Variants in FOCAD observed in about 807,000 individuals in gnomAD.
FOCAD encodes focadhesin, also known as KIAA1797.
In FOCAD, 198 loss-of-function variants were observed where a neutral mutation model predicts 225.6. That is an observed-to-expected ratio of 0.88 (90% confidence interval 0.78 to 0.99). The LOEUF (loss-of-function observed/expected upper bound fraction) is 0.99. Ranked by LOEUF, FOCAD falls within the 50% of genes least tolerant of loss-of-function variation. The pLI is 0.00. For synonymous variants in FOCAD, 897 were observed against 755.0 expected, an observed-to-expected ratio of 1.19 and a Z score of -3.08; for missense variants, 2,713 against 2,123.6, an observed-to-expected ratio of 1.28 and a Z score of -5.46.
At chr9:20,871,666 C>A (rs575614391) in intron 18 of FOCAD, among the ~76,000 whole-genome samples, 1,858 of 143,682 alleles carry the variant, frequency 0.013, 45 homozygotes, top group African/African-American at 0.045. Context: ...AAAAAAAAAA[C>A]CAAACACCGC....
intron 7 of FOCAD, among the ~76,000 whole-genome samples, chr9:20,769,433 C>T (rs1041483073): frequency 2.0e-5 from 3 of 152,198 alleles, no homozygotes; most frequent in Non-Finnish European, 4.4e-5. Flanking sequence ...TTGATCAGAA[C>T]AGCTGGGTTT....
At chr9:20,849,776 T>G (rs1216748211) in intron 15 of FOCAD, among the ~76,000 whole-genome samples, 1 of 151,974 alleles carries the variant, frequency 6.6e-6, no homozygotes, top group Admixed American at 6.6e-5. Flanking sequence ...GACATTTATC[T>G]GCCTTAGATT....
intron 2 of FOCAD, among the ~76,000 whole-genome samples, chr9:20,671,377 A>T (rs1421012046): frequency 6.6e-6 from 1 of 152,188 alleles, no homozygotes; most frequent in Non-Finnish European, 1.5e-5. Flanking sequence ...TGTGTGGACA[A>T]TCCTGTTATC....
In FOCAD at chr9:20,907,203, G is replaced by A. The variant is rs752777221; in HGVS notation, c.2679G>A (p.Trp893Ter). 1.2e-6 allele frequency: 2 copies of A among 1,613,144 alleles called. No homozygotes were observed. The highest frequency in any genetic ancestry group is 2.2e-5 in the South Asian group (2 of 91,036). ...WHRAIFLPQA[W>*]LAYMNRAYHA... ...GTGCAATTTTTCTTCCACAGGCCTG[G>A]CTTGCATACATGAATCGAGCTTATC... Residue 893 changes from tryptophan (W) to a stop codon, truncating the protein, a stop_gained, in exon 22 of 44, where the codon TGG becomes TGA. Transcript: ENST00000338382. LOFTEE classifies it high-confidence loss of function.
At chr9:20,685,107 G>T (rs1822582455) in intron 1 of FOCAD, among the ~76,000 whole-genome samples, 1 of 151,936 alleles carries the variant, frequency 6.6e-6, no homozygotes, top group Non-Finnish European at 1.5e-5. Context: ...TGCCTTAATG[G>T]TCAGCCTCAT....
At chr9:20,820,015 C>T in intron 12 of FOCAD, 115 bp downstream of exon 12, 3 of 585,926 alleles carry the variant, frequency 5.1e-6, no homozygotes, top group South Asian at 4.9e-5. Context: ...CACTACTTCT[C>T]TTGTTGAGCT....
In FOCAD at chr9:20,918,863, A is replaced by C. The variant is rs184371320; in HGVS notation, c.2852+1926A>C. ...AGAGATTGGTGATAGAGCAGGGGAA[A>C]AAATCATTCTGTCACCCTCTCTGCT... On this transcript the variant is annotated intron_variant, in intron 24 of 43. Transcript: ENST00000338382. Among the ~76,000 whole-genome samples the C allele has an allele frequency of 3.9e-3, 593 of 152,312 alleles. 4 individuals are homozygous for C. Among genetic ancestry groups the C allele is most frequent in the Non-Finnish European group, 6.8e-3 (460 of 68,032 alleles).
upstream of FOCAD, chr9:20,683,252 T>C (rs969733310): frequency 2.0e-5 from 3 of 152,196 alleles, no homozygotes; most frequent in African/African-American, 7.2e-5. Flanking sequence ...AATATCAATG[T>C]CAAGATCTGG....
At position 20,781,750 on chromosome 9, in the gene FOCAD, G is replaced by C. The variant is rs138987581; in HGVS notation, c.1018G>C (p.Glu340Gln). Residue 340 changes from glutamate to glutamine, a missense_variant, in exon 10 of 44, where the codon GAG becomes CAG. Physicochemically the swap from Glu to Gln is conservative, Grantham distance 29 (BLOSUM62 2). Coordinates refer to ENST00000338382, the MANE Select transcript of FOCAD (RefSeq NM_001375567.1). The part of the protein sequence containing the change: ...NLALKLLSVT[E>Q]DQKIPKSSLL... Reference sequence around the variant, plus strand: ...AGCTTTGAAGCTCCTCTCTGTTACTGAGGATCAGAAAATCCCAAAGTCCTC... The same window carrying C: ...AGCTTTGAAGCTCCTCTCTGTTACTCAGGATCAGAAAATCCCAAAGTCCTC... 4.0e-5 allele frequency: 65 copies of C among 1,613,684 alleles called. No homozygotes were observed. The highest frequency in any genetic ancestry group is 5.3e-5 in the Non-Finnish European group (62 of 1,179,968).
At chr9:20,738,567 T>C (rs1161311796) in intron 4 of FOCAD, among the ~76,000 whole-genome samples, 1 of 152,190 alleles carries the variant, frequency 6.6e-6, no homozygotes, top group East Asian at 1.9e-4. Context: ...ATGTGACATA[T>C]GTCATGAAAG....
chr9:20,961,277 AT>A (rs1838703405), intron 35 of FOCAD, among the ~76,000 whole-genome samples: 1 of 151,424 alleles, frequency 6.6e-6, no homozygotes, highest in African/African-American at 2.4e-5. Flanking sequence ...GTTATCTATT[AT>A]TTTGATCTTT....
chr9:20,781,930 G>A lies in FOCAD; in HGVS notation c.1197+1G>A. The A allele has an allele frequency of 1.2e-6, 2 of 1,613,042 alleles. No individual in the cohort carries two copies. The highest frequency in any genetic ancestry group is 1.7e-6 in the Non-Finnish European group (2 of 1,179,180). On this transcript the variant is annotated splice_donor_variant, in intron 10 of 43. Transcript: ENST00000338382. LOFTEE classifies it high-confidence loss of function. ...ATGTTACAGAGATGACCACCAAAAG[G>A]TAATGAATCTATCCTTGTTTCTCTT... is the stretch of plus-strand genomic sequence containing the variant.
chr9:20,799,793 CTT>C (rs1226568024), intron 11 of FOCAD, among the ~76,000 whole-genome samples: 3 of 152,110 alleles, frequency 2.0e-5, no homozygotes, highest in South Asian at 4.1e-4. Context: ...GTTCTTGACT[CTT>C]TATCCAATTT....
intron 19 of FOCAD, among the ~76,000 whole-genome samples, chr9:20,880,068 G>A (rs1830542556): frequency 6.6e-6 from 1 of 152,154 alleles, no homozygotes; most frequent in South Asian, 2.1e-4. Context: ...GTATGTGTAT[G>A]CAGAAATTGG....
At chr9:20,664,722 T>A (rs1821845039) in intron 2 of FOCAD, among the ~76,000 whole-genome samples, 1 of 150,592 alleles carries the variant, frequency 6.6e-6, no homozygotes, top group South Asian at 2.1e-4. Flanking sequence ...CAAGCAATCC[T>A]CCTGACTTAG....
At chr9:20,815,427 G>A (rs12002339) in intron 11 of FOCAD, among the ~76,000 whole-genome samples, 45,140 of 151,002 alleles carry the variant, frequency 0.3, 7,081 homozygotes, top group African/African-American at 0.38. Context: ...TTACAGGCAC[G>A]AGCCACTGCA....
intron 9 of FOCAD, among the ~76,000 whole-genome samples, chr9:20,780,909 C>T (rs1819295367): frequency 6.6e-6 from 1 of 152,142 alleles, no homozygotes; most frequent in Non-Finnish European, 1.5e-5. Flanking sequence ...GGTTTGACCT[C>T]CAGATGATGT....
rs576362084 is a variant in FOCAD at position 20,711,848 on chromosome 9, AG to A, written c.-32-3472del. ...GTTTGTATGGAGGGACAACAGCACA[AG>A]GCAGAGTGGCTGGGGAGTGCCTCCA... is the stretch of plus-strand genomic sequence containing the variant. On this transcript the variant is annotated intron_variant, in intron 1 of 43. Transcript: ENST00000338382. Among the ~76,000 whole-genome samples the A allele has an allele frequency of 2.2e-4, 34 of 152,322 alleles. 1 individual carries two copies. Among genetic ancestry groups the A allele is most frequent in the Middle Eastern group, 3.4e-3 (1 of 294 alleles).
intron 24 of FOCAD, among the ~76,000 whole-genome samples, chr9:20,921,216 T>G (rs899730373): frequency 1.3e-5 from 2 of 152,206 alleles, no homozygotes; most frequent in African/African-American, 4.8e-5. Flanking sequence ...TGAGTCACTT[T>G]ACTAATATGT....
Sources: gnomAD v4.1 joint callset for allele counts (sites outside exome capture counted in the v4.1 genomes callset) on GRCh38, gnomAD v4.1.1 for gene constraint, MANE v1.5 for transcripts, NCBI Gene and HGNC (gene_info 2026-07-23, HGNC 2026-07-21) for gene names.